SMG7: variants seen among roughly 807,000 people sequenced by gnomAD.
SMG7 encodes nonsense-mediated mRNA decay factor SMG7.
In SMG7, 34 loss-of-function variants were observed where a neutral mutation model predicts 148.2. That is an observed-to-expected ratio of 0.23 (90% confidence interval 0.17 to 0.31). The LOEUF is 0.31. Among genes scored for constraint, SMG7 ranks in the 10% least tolerant of loss-of-function variants. The probability of loss-of-function intolerance (pLI) is 1.00; values close to 1 mark genes in which losing one functional copy is unlikely to be tolerated. For synonymous variants in SMG7, 492 were observed against 515.1 expected (o/e 0.96, Z 0.61); for missense variants, 1,114 against 1,408.4 (o/e 0.79, Z 3.35).
intron 1 of SMG7, among the ~76,000 whole-genome samples, chr1:183,493,646 A>G (rs1054120030): frequency 7.2e-5 from 11 of 152,168 alleles, no homozygotes; most frequent in Non-Finnish European, 1.5e-4. Flanking sequence ...CAGTGGCGCA[A>G]TCTCGGCTGA....
At chr1:183,540,880 T>C (rs2102720100) in intron 12 of SMG7, 104 bp from the exon 13 acceptor site, 1 of 996,256 alleles carries the variant, frequency 1.0e-6, no homozygotes, top group East Asian at 2.6e-5. Context: ...CTAACCTATG[T>C]GGGAAGTAAT....
At chr1:183,542,944 T>C (rs1235288159) in intron 14 of SMG7, among the ~76,000 whole-genome samples, 5 of 145,398 alleles carry the variant, frequency 3.4e-5, no homozygotes, top group South Asian at 4.3e-4. Context: ...TGTGTGTGTG[T>C]GTGTGTGTGT....
At chr1:183,534,044 C>G (rs536125827) in intron 10 of SMG7, among the ~76,000 whole-genome samples, 1 of 152,268 alleles carries the variant, frequency 6.6e-6, no homozygotes, top group East Asian at 1.9e-4. Context: ...GGATTTGTGA[C>G]TCCTTGTACA....
rs1319961801 is a variant in SMG7 at position 183,472,641 on chromosome 1, G to A, written c.21G>A (p.Gln7=). The A allele has an allele frequency of 3.4e-6, 5 of 1,470,648 alleles. No individual in the cohort carries two copies. In the East Asian group the frequency reaches 1.4e-4, roughly 40 times the overall value. The allele number at this position is 1,470,648 out of a possible 1,614,324, so 91.1% of individuals were successfully genotyped here. A position where few individuals can be genotyped will look rare whatever the true frequency, so the allele number is the denominator to read the frequency against. The part of the protein sequence containing the change: MSLQSA[Q]YLRQAEVLKA... Reference sequence around the variant, plus strand: ...GGAGGATGAGCCTGCAGAGCGCGCAGTACCTCCGGTGAGTGCCGAGGCCGG... The same window carrying A: ...GGAGGATGAGCCTGCAGAGCGCGCAATACCTCCGGTGAGTGCCGAGGCCGG... Residue 7 remains glutamine (Q), a synonymous_variant, in exon 1 of 23, where the codon CAG becomes CAA. Transcript: ENST00000688051.
In SMG7 at chr1:183,545,965, G is replaced by T; in HGVS notation, c.2371-1G>T. On this transcript the variant is annotated splice_acceptor_variant, in intron 16 of 22. Transcript: ENST00000688051. LOFTEE classifies it high-confidence loss of function. Reference sequence around the variant, plus strand: ...CTTTATGACAGGCGTCTCTTTTTTAGTATCAACAGGCAGATGCCTCCAAAC... The same window carrying T: ...CTTTATGACAGGCGTCTCTTTTTTATTATCAACAGGCAGATGCCTCCAAAC... 6.4e-7 allele frequency: 1 copy of T among 1,574,744 alleles called. No homozygotes were observed. The highest frequency in any genetic ancestry group is 1.7e-4 in the Middle Eastern group (1 of 5,838).
At chr1:183,493,249 A>G (rs1336665747) in intron 1 of SMG7, among the ~76,000 whole-genome samples, 1 of 152,210 alleles carries the variant, frequency 6.6e-6, no homozygotes, top group Non-Finnish European at 1.5e-5. Flanking sequence ...TGTTGAGATT[A>G]CAGGTGTGAG....
At chr1:183,537,841 A>G (rs1328769338) in intron 11 of SMG7, among the ~76,000 whole-genome samples, 2 of 152,170 alleles carry the variant, frequency 1.3e-5, no homozygotes, top group African/African-American at 4.8e-5. Flanking sequence ...AATTTTCCCC[A>G]TTATAAATAA....
rs1156526044 is a variant in SMG7 at position 183,527,932 on chromosome 1, T to A, written c.485-24T>A. ...CCTACTGTTTGTTTTTTGGGTTTTT[T>A]AAAACTAATTTTCTTCTTCTTAGCT... On this transcript the variant is annotated intron_variant, in intron 5 of 22. Coordinates refer to ENST00000688051, the MANE Select transcript of SMG7 (RefSeq NM_001375584.1). This position sits in a 1 kb window ranked among gnomAD's most constrained non-coding sequence, Gnocchi z 4.0. 1.2e-6 allele frequency: 2 copies of A among 1,606,054 alleles called. No individual in the cohort carries two copies. The highest frequency in any genetic ancestry group is 1.3e-5 in the African/African-American group (1 of 74,688).
chr1:183,517,935 G>A, intron 4 of SMG7, 115 bp downstream of exon 4: 1 of 1,040,672 alleles, frequency 9.6e-7, no homozygotes, highest in Non-Finnish European at 1.4e-6. Context: ...GCCATCCAGG[G>A]ATTGATCACC....
intron 10 of SMG7, among the ~76,000 whole-genome samples, chr1:183,536,601 C>T (rs1008085354): frequency 5.3e-5 from 8 of 152,070 alleles, no homozygotes; most frequent in Non-Finnish European, 1.2e-4. Context: ...CATGTGTAAG[C>T]TTTCACAAAA....
At chr1:183,500,983 G>C (rs1018336760) in intron 1 of SMG7, 1 of 152,098 alleles carries the variant, frequency 6.6e-6, no homozygotes, top group African/African-American at 2.4e-5. Flanking sequence ...AGCAAAGTGC[G>C]CATAGACCTG....
At position 183,548,700 on chromosome 1, in the gene SMG7, T is replaced by C. The variant is rs143304153; in HGVS notation, c.2893-508T>C. On this transcript the variant is annotated intron_variant, in intron 18 of 22. Coordinates refer to ENST00000688051, the MANE Select transcript of SMG7 (RefSeq NM_001375584.1). ...TAATAACTTTGCTAGGGCCAATAAATGTAAGCTTGACTTTTAGCAACTGTT... is the reference window on the plus strand; with the variant it reads ...TAATAACTTTGCTAGGGCCAATAAACGTAAGCTTGACTTTTAGCAACTGTT... Among the ~76,000 whole-genome samples, 548 of 152,326 alleles carry C rather than the reference T, an allele frequency of 3.6e-3. 2 individuals carry two copies. The highest frequency in any genetic ancestry group is 0.014 in the Middle Eastern group (4 of 294).
rs748919288 is a variant in SMG7 at position 183,551,928 on chromosome 1, C to T, written c.3561C>T (p.His1187=). ...GACAAGGCACCATGAACCCTCCACA[C>T]TGAGGCCAAAGTGGCAACCTGGGAA... The part of the protein sequence containing the change: ...QRGQGTMNPP[H] The change falls in exon 23 of 23, where the codon CAC becomes CAT. Residue 1187 remains histidine (H), a synonymous_variant. Transcript: ENST00000688051. 6.8e-6 allele frequency: 11 copies of T among 1,613,544 alleles called. No homozygotes were observed. In the South Asian group the frequency reaches 1.1e-4, roughly 16 times the overall value.
intron 20 of SMG7, 85 bp from the exon 21 acceptor site, chr1:183,550,666 G>T (rs779922324): frequency 2.3e-6 from 3 of 1,306,170 alleles, no homozygotes; most frequent in Non-Finnish European, 3.3e-6. Flanking sequence ...TAGAATTTTA[G>T]TGATCAGATC....
chr1:183,533,456 A>G, intron 9 of SMG7, 130 bp downstream of exon 9: 1 of 1,050,036 alleles, frequency 9.5e-7, no homozygotes, highest in East Asian at 2.4e-5. Context: ...AGGAGTTCAT[A>G]ATAACTTTCA....
At chr1:183,483,335 G>A (rs999227825) in intron 1 of SMG7, among the ~76,000 whole-genome samples, 4 of 152,032 alleles carry the variant, frequency 2.6e-5, no homozygotes, top group South Asian at 4.1e-4. Flanking sequence ...GAAAGGTTAC[G>A]AATTATTTAC....
At chr1:183,550,644 G>A in intron 20 of SMG7, 107 bp from the exon 21 acceptor site, 1 of 1,093,368 alleles carries the variant, frequency 9.1e-7, no homozygotes, top group Non-Finnish European at 1.4e-6. Flanking sequence ...AAAGCCCTGT[G>A]GTTATTGTTA....
intron 4 of SMG7, among the ~76,000 whole-genome samples, chr1:183,524,071 CATTTTATTTT>C (rs907902113): frequency 3.3e-5 from 5 of 151,026 alleles, no homozygotes; most frequent in African/African-American, 1.2e-4. Context: ...TTTATGTATT[CATTTTATTTT>C]ATTTTATTTA....
intron 1 of SMG7, among the ~76,000 whole-genome samples, chr1:183,479,666 A>G (rs1028608790): frequency 1.3e-5 from 2 of 152,210 alleles, no homozygotes; most frequent in Non-Finnish European, 1.5e-5. Flanking sequence ...ATTATTGAAT[A>G]CTTATTGTAT....
Sources: gnomAD v4.1 joint callset for allele counts (sites outside exome capture counted in the v4.1 genomes callset) on GRCh38, gnomAD v4.1.1 for gene constraint, Gnocchi (gnomAD v3.1) non-coding constraint, MANE v1.5 for transcripts, NCBI Gene and HGNC (gene_info 2026-07-23, HGNC 2026-07-21) for gene names.